The following LAMA2 variants were observed in gnomAD, a reference collection of about 807,000 sequenced individuals.
LAMA2 encodes the protein laminin subunit alpha 2.
LAMA2 carries 269 observed loss-of-function variants against 364.8 expected under a neutral mutation model. That is an observed-to-expected ratio of 0.74 (90% CI 0.67 to 0.82). The LOEUF (loss-of-function observed/expected upper bound fraction) is 0.82. LAMA2 is among the 40% of genes least tolerant of loss of function. The pLI is 0.00. For synonymous variants in LAMA2, 1,379 were observed against 1,370.6 expected (o/e 1.01, Z -0.14); for missense variants, 3,807 against 3,873.2 (o/e 0.98, Z 0.45).
chr6:128,926,074 A>T (rs1239976965), intron 1 of LAMA2, among the ~76,000 whole-genome samples: 1 of 152,140 alleles, frequency 6.6e-6, no homozygotes, highest in Non-Finnish European at 1.5e-5. Context: ...GGATTTCTAC[A>T]TATTACTTCT....
At chr6:129,503,999 AT>A (rs1340927598) in intron 60 of LAMA2, among the ~76,000 whole-genome samples, 1 of 152,200 alleles carries the variant, frequency 6.6e-6, no homozygotes, top group East Asian at 1.9e-4. Context: ...AAATCTCAAC[AT>A]TTGTCTCTGC....
chr6:129,047,382 A>G (rs1787592143), intron 1 of LAMA2, among the ~76,000 whole-genome samples: 1 of 152,152 alleles, frequency 6.6e-6, no homozygotes, highest in Non-Finnish European at 1.5e-5. Flanking sequence ...ATGAGGGGGG[A>G]ATAAATGTAT....
intron 9 of LAMA2, among the ~76,000 whole-genome samples, chr6:129,172,313 C>G (rs1345801553): frequency 1.3e-5 from 2 of 152,118 alleles, no homozygotes; most frequent in African/African-American, 4.8e-5. Context: ...GTTTTATCTA[C>G]TTTTGGTCTT....
chr6:129,141,441 A>T (rs1778120574), intron 4 of LAMA2, among the ~76,000 whole-genome samples: 1 of 152,060 alleles, frequency 6.6e-6, no homozygotes, highest in Non-Finnish European at 1.5e-5. Flanking sequence ...TTTAGAAGAC[A>T]TTGCATTCTA....
At chr6:129,035,616 G>T (rs1186497822) in intron 1 of LAMA2, among the ~76,000 whole-genome samples, 1 of 149,262 alleles carries the variant, frequency 6.7e-6, no homozygotes, top group African/African-American at 2.5e-5. Context: ...TTTTTCCTAG[G>T]TTTTCTTTTT....
chr6:129,172,140 G>GTAATTTGATC (rs1369331726), intron 9 of LAMA2, among the ~76,000 whole-genome samples: 2 of 151,600 alleles, frequency 1.3e-5, no homozygotes, highest in African/African-American at 4.9e-5. Context: ...GTAGCTCAGA[G>GTAATTTGATC]TAATTTGATC....
At chr6:129,084,514 A>AC (rs1774258472) in intron 3 of LAMA2, among the ~76,000 whole-genome samples, 1 of 152,170 alleles carries the variant, frequency 6.6e-6, no homozygotes, top group African/African-American at 2.4e-5. Flanking sequence ...TGACCTAGAC[A>AC]CAAAAATGAT....
chr6:129,364,114 G>A (rs1041847150), intron 32 of LAMA2, among the ~76,000 whole-genome samples: 8 of 152,012 alleles, frequency 5.3e-5, no homozygotes, highest in Non-Finnish European at 1.2e-4. Flanking sequence ...TCACCTGCAA[G>A]AAGCTGCAGG....
chr6:129,393,480 T>C (rs1376205537), intron 37 of LAMA2, among the ~76,000 whole-genome samples: 6 of 152,198 alleles, frequency 3.9e-5, no homozygotes, highest in Non-Finnish European at 8.8e-5. Flanking sequence ...AAAATTTTGA[T>C]AAATTAAACT....
chr6:129,192,739 C>T lies in LAMA2; in HGVS notation c.1668C>T (p.Pro556=). Reference sequence around the variant, plus strand: ...TTCCTGGCCGCATTCGAGTGGCTCCCCAGCAGGACGACTTGGACTCACCTC... The same window carrying T: ...TTCCTGGCCGCATTCGAGTGGCTCCTCAGCAGGACGACTTGGACTCACCTC... ...TDLPGRIRVA[P]QQDDLDSPQQ... The change falls in exon 12 of 65, where the codon CCC becomes CCT. Residue 556 remains proline (P), a synonymous_variant. Transcript: ENST00000421865. 3 of 1,614,202 alleles carry T rather than the reference C, an allele frequency of 1.9e-6. No homozygotes were observed. Among genetic ancestry groups the T allele is most frequent in the Non-Finnish European group, 2.5e-6 (3 of 1,180,036 alleles).
At chr6:129,055,897 C>A (rs1031510259) in intron 2 of LAMA2, among the ~76,000 whole-genome samples, 1 of 152,184 alleles carries the variant, frequency 6.6e-6, no homozygotes, top group South Asian at 2.1e-4. Flanking sequence ...AATAAGGGAA[C>A]TTTGCCAACA....
intron 1 of LAMA2, among the ~76,000 whole-genome samples, chr6:128,943,311 G>C (rs1780284600): frequency 6.7e-6 from 1 of 149,166 alleles, no homozygotes. Context: ...GAGAGAGTCA[G>C]TCTTGCTCTG....
At chr6:128,933,410 T>C (rs999933798) in intron 1 of LAMA2, among the ~76,000 whole-genome samples, 2 of 152,202 alleles carry the variant, frequency 1.3e-5, no homozygotes, top group Admixed American at 6.5e-5. Flanking sequence ...GATACTGATA[T>C]CACCTTTTAA....
At chr6:129,466,025 A>G (rs1243901007) in intron 51 of LAMA2, among the ~76,000 whole-genome samples, 1 of 151,938 alleles carries the variant, frequency 6.6e-6, no homozygotes, top group Non-Finnish European at 1.5e-5. Context: ...TTCTGCTAAT[A>G]TAAATAGACT....
At chr6:129,370,078 C>G (rs1213860449) in intron 34 of LAMA2, 88 bp downstream of exon 34, 2 of 1,041,934 alleles carry the variant, frequency 1.9e-6, no homozygotes, top group Admixed American at 3.8e-5. Flanking sequence ...ATGCAAATCA[C>G]CTTCTTCCTA....
intron 9 of LAMA2, among the ~76,000 whole-genome samples, 171 bp from the exon 10 acceptor site, chr6:129,177,535 A>G (rs1265308929): frequency 2.6e-5 from 4 of 152,200 alleles, no homozygotes; most frequent in Non-Finnish European, 5.9e-5. Flanking sequence ...AATCATAGAA[A>G]GCTTTTAATT....
Position 129,349,301 on chromosome 6 carries a change from C to G in LAMA2, c.4440C>G (p.Phe1480Leu), listed in dbSNP as rs768910575. ...ACPLISSSNN[F>L]SPSCVAEGLD... is the part of the protein sequence containing the mutation. Reference sequence around the variant, plus strand: ...AATCCTTTTCTTTCTGATTCAGTTTCAGCCCCTCTTGTGTCGCAGAAGGAC... The same window carrying G: ...AATCCTTTTCTTTCTGATTCAGTTTGAGCCCCTCTTGTGTCGCAGAAGGAC... The change falls in exon 31 of 65, where the codon TTC becomes TTG. Residue 1480 changes from phenylalanine (F) to leucine (L), a missense_variant. Around this residue, in one of 3 missense-constraint regions of LAMA2, gnomAD observed 3,333 missense variants for 3,345.7 expected, o/e 1.00. Coordinates refer to ENST00000421865, the MANE Select transcript of LAMA2 (RefSeq NM_000426.4). The G allele has an allele frequency of 6.2e-7, 1 of 1,612,900 alleles. No individual in the cohort carries two copies. Among genetic ancestry groups the G allele is most frequent in the Non-Finnish European group, 8.5e-7 (1 of 1,179,076 alleles).
intron 10 of LAMA2, among the ~76,000 whole-genome samples, chr6:129,180,015 A>G (rs1780837686): frequency 1.2e-5 from 1 of 82,902 alleles, no homozygotes; most frequent in African/African-American, 1.1e-4. Context: ...TATGCATACA[A>G]TTTAAATACT....
chr6:129,369,755 C>G, intron 33 of LAMA2, 137 bp from the exon 34 acceptor site: 1 of 740,742 alleles, frequency 1.3e-6, no homozygotes, highest in South Asian at 1.5e-5. Flanking sequence ...TGTAAGTGCC[C>G]AGTTGAAATA....
Sources: allele counts gnomAD v4.1 joint callset (sites outside exome capture counted in the v4.1 genomes callset), GRCh38; gene constraint gnomAD v4.1.1; regional missense constraint gnomAD v4.1.1; transcripts MANE v1.5; gene names NCBI Gene and HGNC (gene_info 2026-07-23, HGNC 2026-07-21).